Variants in IL1RAPL2 observed in about 807,000 individuals in gnomAD.
The protein encoded by IL1RAPL2 is interleukin 1 receptor accessory protein like 2, also known as X-linked interleukin-1 receptor accessory protein-like 2.
A neutral mutation model predicts 44.1 loss-of-function variants in IL1RAPL2; 3 were observed. That is an observed-to-expected ratio of 0.07 (90% CI 0.03 to 0.18). IL1RAPL2 has a LOEUF of 0.18. Ranked by LOEUF, IL1RAPL2 falls within the 10% of genes least tolerant of loss-of-function variation. The probability of loss-of-function intolerance (pLI) is 1.00; values close to 1 mark genes in which losing one functional copy is unlikely to be tolerated. For synonymous variants in IL1RAPL2, 181 were observed against 178.8 expected, an observed-to-expected ratio of 1.01 and a Z score of -0.10; for missense variants, 391 against 496.4, an observed-to-expected ratio of 0.79 and a Z score of 2.02.
At position 104,974,303 on chromosome X, in the gene IL1RAPL2, G is replaced by A. The variant is rs960245498; in HGVS notation, c.83-221172G>A. 6.3e-5 allele frequency among the ~76,000 whole-genome samples: 7 copies of A among 111,948 alleles called. 1 individual carries two copies. The highest frequency in any genetic ancestry group is 1.3e-4 in the Non-Finnish European group (7 of 53,200). On this transcript the variant is annotated intron_variant, in intron 2 of 10. Transcript: ENST00000372582. ...ACCATTTTAAAACCTATGAACATCA[G>A]TGATTTACCTAGCTAAAAATCTTAA...
Position 105,178,842 on chromosome X carries a change from TG to T in IL1RAPL2, c.83-16632del. 3.6e-5 allele frequency among the ~76,000 whole-genome samples: 4 copies of T among 111,924 alleles called. No individual in the cohort carries two copies. The Middle Eastern group carries it at 0.014, about 387-fold the overall frequency. On this transcript the variant is annotated intron_variant, in intron 2 of 10. Coordinates refer to ENST00000372582, the MANE Select transcript of IL1RAPL2 (RefSeq NM_017416.2). ...TTTTGCCCACTTTTCAATGGAGTTA[TG>T]TTTTTTTCTTACTGAGTTGTTTGAG...
chrX:105,475,787 G>A (rs1923069552), intron 5 of IL1RAPL2, among the ~76,000 whole-genome samples: 2 of 111,971 alleles, frequency 1.8e-5, no homozygotes, highest in South Asian at 3.7e-4. Flanking sequence ...TTTATGTCTG[G>A]GCAGATTTGT....
At chrX:104,681,746 C>A (rs189512777) in intron 2 of IL1RAPL2, among the ~76,000 whole-genome samples, 2 of 112,681 alleles carry the variant, frequency 1.8e-5, no homozygotes, top group South Asian at 7.3e-4. Context: ...AAGTTTCCAC[C>A]CTTGGGCTTA....
intron 2 of IL1RAPL2, among the ~76,000 whole-genome samples, chrX:105,162,597 TA>T (rs1260559284): frequency 8.9e-6 from 1 of 112,390 alleles, no homozygotes; most frequent in East Asian, 2.8e-4. Context: ...AAGAGAAATA[TA>T]ATGAGTGCTT....
intron 5 of IL1RAPL2, among the ~76,000 whole-genome samples, chrX:105,270,155 A>G (rs748038005): frequency 1.6e-3 from 184 of 111,655 alleles, no homozygotes; most frequent in Non-Finnish European, 2.9e-3. Context: ...CAGTAAGACT[A>G]GGAATTTACC....
intron 5 of IL1RAPL2, among the ~76,000 whole-genome samples, chrX:105,418,124 C>A (rs185093543): frequency 9.1e-6 from 1 of 110,490 alleles, no homozygotes; most frequent in Non-Finnish European, 1.9e-5. Context: ...AATGTGAACT[C>A]CAAAAAGAGT....
chrX:104,932,024 C>A (rs1294093247), intron 2 of IL1RAPL2, among the ~76,000 whole-genome samples: 6 of 97,440 alleles, frequency 6.2e-5, no homozygotes, highest in African/African-American at 2.3e-4. Context: ...CAGAGTTTCA[C>A]TCTTGTCACC....
At chrX:104,810,281 GGA>G (rs1368065936) in intron 2 of IL1RAPL2, among the ~76,000 whole-genome samples, 2 of 110,550 alleles carry the variant, frequency 1.8e-5, no homozygotes, top group Non-Finnish European at 3.8e-5. Context: ...AGGGGAAGGG[GGA>G]GGGATAGCTT....
intron 2 of IL1RAPL2, among the ~76,000 whole-genome samples, chrX:104,947,855 C>T (rs1273973702): frequency 1.8e-5 from 2 of 111,969 alleles, no homozygotes; most frequent in Non-Finnish European, 3.8e-5. Context: ...TAGTGTGATG[C>T]CTCCGGCTTT....
intron 2 of IL1RAPL2, among the ~76,000 whole-genome samples, chrX:105,029,437 T>G (rs1478643368): frequency 2.9e-4 from 23 of 79,664 alleles, no homozygotes; most frequent in African/African-American, 1.0e-3. Flanking sequence ...GAGTGTGATG[T>G]TCCCCTTCTT....
chrX:105,009,576 A>G (rs1260623576), intron 2 of IL1RAPL2, among the ~76,000 whole-genome samples: 1 of 84,567 alleles, frequency 1.2e-5, no homozygotes, highest in Non-Finnish European at 2.2e-5. Flanking sequence ...AGGAAGGGGA[A>G]CATCACACAC....
intron 2 of IL1RAPL2, among the ~76,000 whole-genome samples, chrX:105,075,036 C>T (rs2032271471): frequency 9.0e-6 from 1 of 111,095 alleles, no homozygotes; most frequent in African/African-American, 3.3e-5. Context: ...CCTTTATTTC[C>T]TTCTCCTGCC....
At chrX:104,635,488 C>T (rs1409730843) in intron 1 of IL1RAPL2, among the ~76,000 whole-genome samples, 5 of 111,871 alleles carry the variant, frequency 4.5e-5, no homozygotes, top group African/African-American at 6.5e-5. Context: ...GCCAATCAGA[C>T]GTAGATTTAA....
intron 2 of IL1RAPL2, among the ~76,000 whole-genome samples, chrX:104,818,669 A>G (rs996579304): frequency 8.9e-6 from 1 of 111,736 alleles, no homozygotes; most frequent in African/African-American, 3.3e-5. Flanking sequence ...TAGAAACATC[A>G]ATTGAATTTG....
intron 5 of IL1RAPL2, among the ~76,000 whole-genome samples, chrX:105,273,377 C>T (rs893449859): frequency 9.0e-6 from 1 of 111,563 alleles, no homozygotes. Context: ...AATCCCTCTT[C>T]CCCAAAGCAG....
intron 5 of IL1RAPL2, among the ~76,000 whole-genome samples, chrX:105,482,939 A>G (rs773625197): frequency 9.1e-6 from 1 of 110,452 alleles, no homozygotes; most frequent in South Asian, 3.9e-4. Context: ...ATAGTTTGAT[A>G]TAAGTAAGGG....
At chrX:105,017,988 T>C (rs1325433342) in intron 2 of IL1RAPL2, among the ~76,000 whole-genome samples, 1 of 111,688 alleles carries the variant, frequency 9.0e-6, no homozygotes, top group African/African-American at 3.2e-5. Context: ...AAAGGGTTAC[T>C]AAGAGAGGCC....
chrX:105,350,346 C>T (rs2035142770), intron 5 of IL1RAPL2, among the ~76,000 whole-genome samples: 1 of 112,439 alleles, frequency 8.9e-6, no homozygotes, highest in Non-Finnish European at 1.9e-5. Flanking sequence ...GAAGTTTGCA[C>T]TAGTCCTCAG....
intron 1 of IL1RAPL2, among the ~76,000 whole-genome samples, chrX:104,653,160 C>G: frequency 9.0e-6 from 1 of 111,623 alleles, no homozygotes; most frequent in Middle Eastern, 4.6e-3. Flanking sequence ...TTGGAAATCC[C>G]TTGCAAGATT....
Sources: allele counts gnomAD v4.1 joint callset (sites outside exome capture counted in the v4.1 genomes callset), GRCh38; gene constraint gnomAD v4.1.1; transcripts MANE v1.5; gene names NCBI Gene and HGNC (gene_info 2026-07-23, HGNC 2026-07-21).